Variants in SIM2 observed in about 807,000 individuals in gnomAD.
The protein encoded by SIM2 is SIM bHLH transcription factor 2.
A neutral mutation model predicts 64.8 loss-of-function variants in SIM2; 28 were observed. That is an observed-to-expected ratio of 0.43 (90% CI 0.32 to 0.59). The LOEUF (loss-of-function observed/expected upper bound fraction) is 0.59. Among genes scored for constraint, SIM2 ranks in the 20% least tolerant of loss-of-function variants. SIM2 has a pLI of 0.07. For synonymous variants in SIM2, 408 were observed against 391.1 expected, an observed-to-expected ratio of 1.04 and a Z score of -0.51; for missense variants, 847 against 871.4, an observed-to-expected ratio of 0.97 and a Z score of 0.35.
chr21:36,727,838 C>A (rs1244238417), intron 6 of SIM2, among the ~76,000 whole-genome samples: 1 of 151,988 alleles, frequency 6.6e-6, no homozygotes, highest in African/African-American at 2.4e-5. Context: ...TCATTTTAAC[C>A]ATTTATTGAT....
chr21:36,719,294 TGTCTGA>T (rs1421247159), intron 3 of SIM2, among the ~76,000 whole-genome samples: 10 of 152,266 alleles, frequency 6.6e-5, no homozygotes, highest in Non-Finnish European at 1.5e-4. Context: ...AAAGGGCCTT[TGTCTGA>T]GTTCATGTCC....
intron 7 of SIM2, among the ~76,000 whole-genome samples, chr21:36,736,021 C>G (rs538713327): frequency 1.3e-5 from 2 of 152,328 alleles, no homozygotes; most frequent in African/African-American, 4.8e-5. Flanking sequence ...ACCTGAGACT[C>G]AAGTCTTTCA....
At chr21:36,723,196 T>C in intron 5 of SIM2, 66 bp downstream of exon 5, 2 of 1,364,214 alleles carry the variant, frequency 1.5e-6, no homozygotes, top group Non-Finnish European at 2.1e-6. Flanking sequence ...TTCAAGAGCG[T>C]CTGCAGAAAG....
chr21:36,731,252 A>G (rs960785689), intron 7 of SIM2, 101 bp downstream of exon 7: 6 of 766,154 alleles, frequency 7.8e-6, no homozygotes, highest in Non-Finnish European at 1.3e-5. Flanking sequence ...TGCAATAATC[A>G]TCCATGATAC....
intron 7 of SIM2, among the ~76,000 whole-genome samples, chr21:36,733,803 C>T (rs548969606): frequency 9.9e-5 from 15 of 152,226 alleles, no homozygotes; most frequent in Admixed American, 4.6e-4. Flanking sequence ...CCTCGTGATC[C>T]GCCCGCCTCG....
At chr21:36,714,451 A>G (rs982005289) in intron 3 of SIM2, among the ~76,000 whole-genome samples, 1 of 152,254 alleles carries the variant, frequency 6.6e-6, no homozygotes, top group Admixed American at 6.5e-5. Flanking sequence ...TCTTTAACCT[A>G]CTTGAACCAT....
chr21:36,700,633 G>A (rs1265167593), intron 1 of SIM2, among the ~76,000 whole-genome samples: 1 of 152,158 alleles, frequency 6.6e-6, no homozygotes, highest in African/African-American at 2.4e-5. Flanking sequence ...CTGCGAGTCA[G>A]CGGGGATCAC....
chr21:36,737,910 C>T (rs1391480335), intron 7 of SIM2, among the ~76,000 whole-genome samples: 3 of 126,222 alleles, frequency 2.4e-5, no homozygotes, highest in Admixed American at 9.6e-5. Flanking sequence ...TGCAGTGAGC[C>T]GAGATTGTAC....
intron 5 of SIM2, among the ~76,000 whole-genome samples, chr21:36,723,950 C>T (rs551513662): frequency 2.6e-5 from 4 of 152,354 alleles, no homozygotes; most frequent in Admixed American, 2.0e-4. Flanking sequence ...ATCTTCACTG[C>T]CATCTCTCCA....
At position 36,726,380 on chromosome 21, in the gene SIM2, G is replaced by A; in HGVS notation, c.743+62G>A. 6.8e-7 allele frequency: 1 copy of A among 1,470,216 alleles called. No individual in the cohort carries two copies. The highest frequency in any genetic ancestry group is 1.8e-4 in the Middle Eastern group (1 of 5,672). The allele number at this position is 1,470,216 out of a possible 1,614,324, so 91.1% of individuals were successfully genotyped here. On this transcript the variant is annotated intron_variant, in intron 6 of 10. Coordinates refer to ENST00000290399, the MANE Select transcript of SIM2 (RefSeq NM_005069.6). This position sits in a 1 kb window ranked among gnomAD's most constrained non-coding sequence, Gnocchi z 4.5. ...TGGAAGACACCGGTGGTGGAAATGG[G>A]TCCCTGAAAGCTGCCATCTTGGCCA... is the stretch of plus-strand genomic sequence containing the variant.
Position 36,745,869 on chromosome 21 carries a change from A to G in SIM2, c.1576+733A>G. 7.7e-7 allele frequency: 1 copy of G among 1,302,220 alleles called. No individual in the cohort carries two copies. Among genetic ancestry groups the G allele is most frequent in the Non-Finnish European group, 1.0e-6 (1 of 987,478 alleles). 80.7% of individuals were successfully genotyped at this position (1,302,220 alleles called of 1,614,324 possible). On this transcript the variant is annotated intron_variant, in intron 10 of 10. Coordinates refer to ENST00000290399, the MANE Select transcript of SIM2 (RefSeq NM_005069.6). The surrounding 1 kb of genome is among the most constrained non-coding windows in gnomAD (Gnocchi z 4.8). Reference sequence around the variant, plus strand: ...CTGACTCCTGTTTGCTCGCTGGACCAACCCCAGGCAGAAGGTGGAAGGTGG... The same window carrying G: ...CTGACTCCTGTTTGCTCGCTGGACCGACCCCAGGCAGAAGGTGGAAGGTGG...
At chr21:36,701,813 T>C (rs1435503654) in intron 1 of SIM2, among the ~76,000 whole-genome samples, 1 of 152,058 alleles carries the variant, frequency 6.6e-6, no homozygotes, top group African/African-American at 2.4e-5. Context: ...CGGGGAGGCG[T>C]GGTGGTAACT....
chr21:36,702,835 G>A (rs2088521879), intron 1 of SIM2, among the ~76,000 whole-genome samples: 1 of 150,050 alleles, frequency 6.7e-6, no homozygotes, highest in Admixed American at 6.7e-5. Flanking sequence ...TCAGCTGCAA[G>A]GTGAAAAATA....
intron 1 of SIM2, among the ~76,000 whole-genome samples, chr21:36,702,685 G>A (rs950830423): frequency 1.6e-4 from 25 of 152,180 alleles, no homozygotes; most frequent in Admixed American, 1.6e-3. Flanking sequence ...CAGGGGACCT[G>A]GGTCTGCGAG....
Position 36,745,162 on chromosome 21 carries a change from G to A in SIM2, c.1576+26G>A. On this transcript the variant is annotated intron_variant, in intron 10 of 10. Coordinates refer to ENST00000290399, the MANE Select transcript of SIM2 (RefSeq NM_005069.6). This position sits in a 1 kb window ranked among gnomAD's most constrained non-coding sequence, Gnocchi z 4.8. ...GTGGGTCAGGTCTGCTCGTGGGGAAGGTGGGAGGACTGCGCACGGCCGGGA... is the reference window on the plus strand; with the variant it reads ...GTGGGTCAGGTCTGCTCGTGGGGAAAGTGGGAGGACTGCGCACGGCCGGGA... 1 of 1,596,432 alleles carries A rather than the reference G, an allele frequency of 6.3e-7. No homozygotes were observed. The highest frequency in any genetic ancestry group is 8.5e-7 in the Non-Finnish European group (1 of 1,171,024).
At chr21:36,711,729 T>C (rs1345863077) in intron 2 of SIM2, among the ~76,000 whole-genome samples, 1 of 152,242 alleles carries the variant, frequency 6.6e-6, no homozygotes. Context: ...ATCTAAAATA[T>C]GAATGAGTAA....
At chr21:36,709,041 C>A (rs2088632040) in intron 1 of SIM2, 127 bp from the exon 2 acceptor site, 2 of 748,238 alleles carry the variant, frequency 2.7e-6, no homozygotes, top group African/African-American at 1.9e-5. Context: ...GCCGGGGAGG[C>A]GGCGGGGAGA....
At chr21:36,719,320 G>C (rs368637572) in intron 3 of SIM2, among the ~76,000 whole-genome samples, 19 of 152,392 alleles carry the variant, frequency 1.2e-4, no homozygotes, top group African/African-American at 4.3e-4. Context: ...CTCCTCGGGC[G>C]CAGTGGCGCC....
rs918144853 is a variant in SIM2 at position 36,747,925 on chromosome 21, G to C, written c.1837G>C (p.Gly613Arg). The change falls in exon 11 of 11, where the codon GGG (glycine) becomes CGG (arginine). Residue 613 changes from glycine (G) to arginine (R), a missense_variant. By Grantham distance (125) the Gly-to-Arg change is moderately radical. Coordinates refer to ENST00000290399, the MANE Select transcript of SIM2 (RefSeq NM_005069.6). This position sits in a 1 kb window ranked among gnomAD's most constrained non-coding sequence, Gnocchi z 4.5. ...HRVLARRGPL[G>R]GAAPAASGLA... is the part of the protein sequence containing the mutation. ...CGTGCTGGCCCGGCGCGGACCGCTG[G>C]GGGGCGCCGCACCCGCCGCCTCCGG... 45 of 1,039,164 alleles carry C rather than the reference G, an allele frequency of 4.3e-5. No individual in the cohort carries two copies. The highest frequency in any genetic ancestry group is 4.9e-5 in the Non-Finnish European group (42 of 862,984). The allele number at this position is 1,039,164 out of a possible 1,614,324, so 64.4% of individuals were successfully genotyped here. A position where few individuals can be genotyped will look rare whatever the true frequency, so the allele number is the denominator to read the frequency against.
Sources: gnomAD v4.1 joint callset for allele counts (sites outside exome capture counted in the v4.1 genomes callset) on GRCh38, gnomAD v4.1.1 for gene constraint, Gnocchi (gnomAD v3.1) non-coding constraint, MANE v1.5 for transcripts, NCBI Gene and HGNC (gene_info 2026-07-23, HGNC 2026-07-21) for gene names.